The following WNT8A variants were observed in gnomAD, a reference collection of about 807,000 sequenced individuals.
WNT8A encodes the protein protein Wnt-8a.
A neutral mutation model predicts 20.5 loss-of-function variants in WNT8A; 14 were observed. The ratio of observed to expected loss-of-function variants is 0.68; its 90% CI spans 0.45 to 1.07. The LOEUF is 1.07. WNT8A is among the 50% of genes least tolerant of loss of function. The pLI, the probability that WNT8A is intolerant of heterozygous loss-of-function variation, is 0.00. For synonymous variants in WNT8A, 167 were observed against 169.2 expected (o/e 0.99, Z 0.10); for missense variants, 397 against 462.9 (o/e 0.86, Z 1.31).
Position 138,084,639 on chromosome 5 carries a change from A to G in WNT8A, c.295+3A>G, listed in dbSNP as rs1459185571. 6.2e-7 allele frequency: 1 copy of G among 1,604,642 alleles called. No homozygotes were observed. The highest frequency in any genetic ancestry group is 1.3e-5 in the African/African-American group (1 of 74,912). On this transcript the variant is annotated splice_donor_region_variant and intron_variant, in intron 2 of 4. Coordinates refer to ENST00000506684, the MANE Select transcript of WNT8A (RefSeq NM_001300939.2). ...CACCCACAACAGGCTGAGAAGTGGT[A>G]AGTTTGTGTGGGACTCACCTGTACA...
In WNT8A at chr5:138,088,908, A is replaced by T. The variant is rs750277996; in HGVS notation, c.422-19A>T. ...GAGCATGGAGCTACACGGAGAACTT[A>T]TTCTGTCCTTGTATATAGGAGGCCA... On this transcript the variant is annotated intron_variant, in intron 3 of 4. Coordinates refer to ENST00000506684, the MANE Select transcript of WNT8A (RefSeq NM_001300939.2). The T allele has an allele frequency of 1.2e-6, 2 of 1,612,756 alleles. No homozygotes were observed. The highest frequency in any genetic ancestry group is 1.7e-6 in the Non-Finnish European group (2 of 1,179,426).
At chr5:138,079,400 A>G (rs1402104817), upstream of WNT8A, among the ~76,000 whole-genome samples, 1 of 149,880 alleles carries the variant, frequency 6.7e-6, no homozygotes, top group Non-Finnish European at 1.5e-5. Context: ...AATACTCAAA[A>G]TTCATCACTT....
At chr5:138,085,351 G>A (rs1750625910) in intron 2 of WNT8A, among the ~76,000 whole-genome samples, 1 of 152,210 alleles carries the variant, frequency 6.6e-6, no homozygotes, top group Non-Finnish European at 1.5e-5. Flanking sequence ...AGCTCCTGAG[G>A]AAGTTTCACA....
intron 2 of WNT8A, among the ~76,000 whole-genome samples, 146 bp from the exon 3 acceptor site, chr5:138,087,649 CAAAAAAAAAAA>C (rs66902804): frequency 5.7e-4 from 40 of 70,240 alleles, no homozygotes; most frequent in Admixed American, 1.7e-3. Flanking sequence ...GAGCGAGTCT[CAAAAAAAAAAA>C]AAAAAAAAAA....
chr5:138,079,316 ATTATATATTAAT>A (rs1003786440), upstream of WNT8A, among the ~76,000 whole-genome samples: 6 of 48,212 alleles, frequency 1.2e-4, no homozygotes, highest in Non-Finnish European at 5.2e-5. Context: ...ATTATTATTA[ATTATATATTAAT>A]TATATAATAA....
At chr5:138,082,368 T>C (rs1006139287), upstream of WNT8A, among the ~76,000 whole-genome samples, 3 of 151,380 alleles carry the variant, frequency 2.0e-5, no homozygotes, top group African/African-American at 7.3e-5. Context: ...TCACCTGATG[T>C]CAGGAGTTTG....
chr5:138,089,071 TG>T lies in WNT8A; in HGVS notation c.564+5del. 1 of 1,612,736 alleles carries T rather than the reference TG, an allele frequency of 6.2e-7. No homozygotes were observed. The highest frequency in any genetic ancestry group is 8.5e-7 in the Non-Finnish European group (1 of 1,179,632). ...CACAACAACAGGGCCGGCAGACTGG[TG>T]GGTATAGGCATTGTGGCCAGTATTT... On this transcript the variant is annotated splice_donor_region_variant and intron_variant, in intron 4 of 4. Transcript: ENST00000506684.
In WNT8A at chr5:138,090,757, C is replaced by T; in HGVS notation, c.794C>T (p.Ala265Val). The T allele has an allele frequency of 2.5e-6, 4 of 1,614,196 alleles. No individual in the cohort carries two copies. Among genetic ancestry groups the T allele is most frequent in the Non-Finnish European group, 3.4e-6 (4 of 1,180,034 alleles). The change falls in exon 5 of 5, where the codon GCG (alanine) becomes GTG (valine). Residue 265 changes from alanine (A) to valine (V), a missense_variant. Transcript: ENST00000506684. ...PAEAFLPSAE[A>V]ELIFLEESPD... ...GAGGCCTTCCTTCCTAGCGCAGAGGCGGAACTGATCTTTTTAGAGGAATCA... is the reference window on the plus strand; with the variant it reads ...GAGGCCTTCCTTCCTAGCGCAGAGGTGGAACTGATCTTTTTAGAGGAATCA...
At chr5:138,080,444 G>GTTTTTTTTTT (rs371833243), upstream of WNT8A, among the ~76,000 whole-genome samples, 750 of 55,874 alleles carry the variant, frequency 0.013, 80 homozygotes, top group Non-Finnish European at 0.019. Flanking sequence ...TGTAAATCTT[G>GTTTTTTTTTT]TTTTTTTTTT....
Position 138,088,913 on chromosome 5 carries a change from G to C in WNT8A, c.422-14G>C. On this transcript the variant is annotated splice_polypyrimidine_tract_variant and intron_variant, in intron 3 of 4. Coordinates refer to ENST00000506684, the MANE Select transcript of WNT8A (RefSeq NM_001300939.2). ...TGGAGCTACACGGAGAACTTATTCTGTCCTTGTATATAGGAGGCCATGGCT... is the reference window on the plus strand; with the variant it reads ...TGGAGCTACACGGAGAACTTATTCTCTCCTTGTATATAGGAGGCCATGGCT... The C allele has an allele frequency of 6.2e-7, 1 of 1,613,186 alleles. No homozygotes were observed. The highest frequency in any genetic ancestry group is 8.5e-7 in the Non-Finnish European group (1 of 1,179,642).
At chr5:138,078,145 G>A in the WNT8A span, among the ~76,000 whole-genome samples, 2 of 152,180 alleles carry the variant, frequency 1.3e-5, no homozygotes, top group African/African-American at 4.8e-5. Flanking sequence ...GGAGGGTCAG[G>A]AGCTCAAGCA....
At chr5:138,085,633 G>A (rs1294162650) in intron 2 of WNT8A, among the ~76,000 whole-genome samples, 1 of 152,102 alleles carries the variant, frequency 6.6e-6, no homozygotes, top group Non-Finnish European at 1.5e-5. Flanking sequence ...AGGATCGCTT[G>A]AGTTCAGGAG....
chr5:138,086,457 A>C (rs1750665271), intron 2 of WNT8A, among the ~76,000 whole-genome samples: 1 of 151,810 alleles, frequency 6.6e-6, no homozygotes, highest in African/African-American at 2.4e-5. Flanking sequence ...AGCTCAAGCA[A>C]TCCACCCAAC....
chr5:138,089,226 G>A (rs752686299), intron 4 of WNT8A, among the ~76,000 whole-genome samples, 157 bp downstream of exon 4: 29 of 152,130 alleles, frequency 1.9e-4, no homozygotes, highest in Non-Finnish European at 3.4e-4. Context: ...AATTAAATCT[G>A]AGCCAAGTGG....
chr5:138,077,372 T>C, the WNT8A span, among the ~76,000 whole-genome samples: 1 of 152,170 alleles, frequency 6.6e-6, no homozygotes, highest in Non-Finnish European at 1.5e-5. Flanking sequence ...GTTCCTTATT[T>C]CACTGTACTA....
In WNT8A at chr5:138,084,530, G is replaced by C; in HGVS notation, c.189G>C (p.Leu63Phe). ...AYLTYTTSVA[L>F]GAQSGIEECK... ...TGACCTACACGACTAGTGTGGCCTT[G>C]GGTGCCCAGAGTGGCATCGAGGAGT... is the stretch of plus-strand genomic sequence containing the variant. Residue 63 changes from leucine to phenylalanine, a missense_variant, in exon 2 of 5, where the codon TTG becomes TTC. Coordinates refer to ENST00000506684, the MANE Select transcript of WNT8A (RefSeq NM_001300939.2). 6.2e-7 allele frequency: 1 copy of C among 1,613,250 alleles called. No individual in the cohort carries two copies. The highest frequency in any genetic ancestry group is 8.5e-7 in the Non-Finnish European group (1 of 1,179,586).
chr5:138,091,618 A>C (rs1340613745), downstream of WNT8A: 1 of 746,688 alleles, frequency 1.3e-6, no homozygotes, highest in Middle Eastern at 4.2e-4. Flanking sequence ...ACTTTTGAAA[A>C]GCTCTTCCTC....
In WNT8A at chr5:138,084,562, T is replaced by C. The variant is rs1750598548; in HGVS notation, c.221T>C (p.Phe74Ser). ...CAGAGTGGCATCGAGGAGTGCAAGT[T>C]CCAGTTTGCTTGGGAACGCTGGAAC... is the stretch of plus-strand genomic sequence containing the variant. ...GAQSGIEECK[F>S]QFAWERWNCP... The change falls in exon 2 of 5, where the codon TTC (phenylalanine) becomes TCC (serine). Residue 74 changes from phenylalanine to serine, a missense_variant. Coordinates refer to ENST00000506684, the MANE Select transcript of WNT8A (RefSeq NM_001300939.2). 1 of 1,613,768 alleles carries C rather than the reference T, an allele frequency of 6.2e-7. No homozygotes were observed. Among genetic ancestry groups the C allele is most frequent in the African/African-American group, 1.3e-5 (1 of 74,890 alleles).
chr5:138,084,106 T>C lies in WNT8A; in HGVS notation c.-22T>C. On this transcript the variant is annotated 5_prime_UTR_variant, in exon 1 of 5. The change abolishes an upstream ATG in the 5' untranslated region. Coordinates refer to ENST00000506684, the MANE Select transcript of WNT8A (RefSeq NM_001300939.2). ...GGCAGGGCGATGGGGAACCTGTTTA[T>C]GCTCTGGGCAGCTCTGGGCATATGC... is the stretch of plus-strand genomic sequence containing the variant. 1.9e-6 allele frequency: 3 copies of C among 1,613,954 alleles called. No individual in the cohort carries two copies. Among genetic ancestry groups the C allele is most frequent in the Middle Eastern group, 1.6e-4 (1 of 6,062 alleles).
Sources: gnomAD v4.1 joint callset for allele counts (sites outside exome capture counted in the v4.1 genomes callset) on GRCh38, gnomAD v4.1.1 for gene constraint, MANE v1.5 for transcripts, NCBI Gene and HGNC (gene_info 2026-07-23, HGNC 2026-07-21) for gene names.